Variants in DOP1B observed in about 807,000 individuals in gnomAD.
The protein encoded by DOP1B is protein DOP1B.
Under a neutral mutation model 233.5 loss-of-function variants are expected in DOP1B, and 174 were observed. The observed-to-expected ratio is 0.75, with a 90% CI of 0.66 to 0.85. The LOEUF is 0.85. DOP1B is among the 40% of genes least tolerant of loss of function. The probability of loss-of-function intolerance (pLI) is 0.00; values close to 1 mark genes in which losing one functional copy is unlikely to be tolerated. For synonymous variants in DOP1B, 1,190 were observed against 1,185.6 expected, an observed-to-expected ratio of 1.00 and a Z score of -0.08; for missense variants, 2,652 against 2,846.6, an observed-to-expected ratio of 0.93 and a Z score of 1.56.
chr21:36,283,936 C>CTTTTTTTTTTTTTTTTTTTT (rs547999186), intron 32 of DOP1B, among the ~76,000 whole-genome samples: 1 of 100,992 alleles, frequency 9.9e-6, no homozygotes, highest in Non-Finnish European at 1.9e-5. Flanking sequence ...ACACCTGTTC[C>CTTTTTTTTTTTTTTTTTTTT]TTTTTTTTTT....
chr21:36,242,869 T>G (rs1425317288), intron 18 of DOP1B, among the ~76,000 whole-genome samples: 1 of 152,226 alleles, frequency 6.6e-6, no homozygotes, highest in African/African-American at 2.4e-5. Flanking sequence ...CTTCTTCATT[T>G]CTTGATCTTG....
chr21:36,161,947 C>A (rs928499766), intron 1 of DOP1B, among the ~76,000 whole-genome samples: 3 of 152,216 alleles, frequency 2.0e-5, no homozygotes, highest in Non-Finnish European at 2.9e-5. Context: ...TGGTTCCTTT[C>A]CATTGCCTCA....
At chr21:36,161,352 T>C (rs1224350321) in intron 1 of DOP1B, among the ~76,000 whole-genome samples, 1 of 152,132 alleles carries the variant, frequency 6.6e-6, no homozygotes, top group Non-Finnish European at 1.5e-5. Context: ...TTGGCCAGGC[T>C]GGTCTCGAAC....
At chr21:36,179,174 G>C (rs2123426279) in intron 2 of DOP1B, among the ~76,000 whole-genome samples, 1 of 152,362 alleles carries the variant, frequency 6.6e-6, no homozygotes, top group East Asian at 1.9e-4. Flanking sequence ...TGCTGAGTAA[G>C]AGTCCATGGA....
At chr21:36,207,947 G>A (rs2066447405) in intron 4 of DOP1B, among the ~76,000 whole-genome samples, 1 of 152,192 alleles carries the variant, frequency 6.6e-6, no homozygotes, top group South Asian at 2.1e-4. Context: ...CCTGGCCTTG[G>A]TCAGCGTCAG....
chr21:36,233,098 T>G (rs2066787168), intron 15 of DOP1B, 23 bp downstream of exon 15: 1 of 1,610,278 alleles, frequency 6.2e-7, no homozygotes, highest in South Asian at 1.1e-5. Context: ...GGGAACACTC[T>G]TCTTATGGCC....
At chr21:36,212,531 A>T (rs368799376) in intron 7 of DOP1B, among the ~76,000 whole-genome samples, 1 of 152,176 alleles carries the variant, frequency 6.6e-6, no homozygotes, top group African/African-American at 2.4e-5. Flanking sequence ...CATTTGGATA[A>T]CTTTGGAGAT....
intron 1 of DOP1B, among the ~76,000 whole-genome samples, chr21:36,158,658 T>C (rs10470175): frequency 0.85 from 128,439 of 151,786 alleles, 54,356 homozygotes; most frequent in Non-Finnish European, 0.87. Context: ...CAAAAATTAG[T>C]TGGGCGTGGT....
intron 12 of DOP1B, 52 bp downstream of exon 12, chr21:36,225,719 C>A (rs374991617): frequency 7.6e-6 from 12 of 1,574,946 alleles, no homozygotes; most frequent in Non-Finnish European, 1.0e-5. Context: ...TACATTCTTA[C>A]TGGTGGTGAT....
At chr21:36,219,639 G>A (rs764900599) in intron 10 of DOP1B, 147 bp downstream of exon 10, 17 of 1,137,098 alleles carry the variant, frequency 1.5e-5, no homozygotes, top group Non-Finnish European at 1.6e-5. Flanking sequence ...TAATCAATGC[G>A]TTGAAGTCAG....
intron 2 of DOP1B, among the ~76,000 whole-genome samples, chr21:36,194,482 TCTC>T (rs1342518766): frequency 1.8e-5 from 2 of 110,828 alleles, no homozygotes; most frequent in Admixed American, 1.1e-4. Flanking sequence ...TTTCTCTCTC[TCTC>T]TCTTTTTTTT....
intron 1 of DOP1B, among the ~76,000 whole-genome samples, chr21:36,162,929 G>T (rs1326734484): frequency 6.6e-6 from 1 of 152,106 alleles, no homozygotes; most frequent in Non-Finnish European, 1.5e-5. Context: ...GGTGCTGGAG[G>T]GGCCAGAGGA....
At position 36,260,977 on chromosome 21, in the gene DOP1B, C is replaced by T. The variant is rs1238718839; in HGVS notation, c.5315+245C>T. On this transcript the variant is annotated intron_variant, in intron 24 of 36. Transcript: ENST00000691173. ...TATATGAGCGAAGCTTTATGTGAGGCCTGTTAAACTTTAAAAGGCTTGGAT... is the reference window on the plus strand; with the variant it reads ...TATATGAGCGAAGCTTTATGTGAGGTCTGTTAAACTTTAAAAGGCTTGGAT... 38 of 1,238,948 alleles carry T rather than the reference C, an allele frequency of 3.1e-5. No individual in the cohort carries two copies. The East Asian group carries it at 1.3e-3, about 41-fold the overall frequency. 76.7% of individuals were successfully genotyped at this position (1,238,948 alleles called of 1,614,324 possible). A position where few individuals can be genotyped will look rare whatever the true frequency, so the allele number is the denominator to read the frequency against.
intron 23 of DOP1B, among the ~76,000 whole-genome samples, chr21:36,255,530 G>A (rs1396251798): frequency 6.6e-6 from 1 of 151,180 alleles, no homozygotes; most frequent in African/African-American, 2.4e-5. Flanking sequence ...CCATAGCCTC[G>A]ACCTCCCCAG....
chr21:36,169,392 A>G, intron 2 of DOP1B: 1 of 856,820 alleles, frequency 1.2e-6, no homozygotes, highest in Non-Finnish European at 2.0e-6. Context: ...GCCATGGAGA[A>G]GGCCACATGG....
At chr21:36,228,808 TAAAATAAAATA>T (rs1415433655) in intron 13 of DOP1B, among the ~76,000 whole-genome samples, 1 of 133,064 alleles carries the variant, frequency 7.5e-6, no homozygotes, top group African/African-American at 3.3e-5. Flanking sequence ...TAAAATAAAA[TAAAATAAAATA>T]AAATAAAAAG....
chr21:36,211,904 G>T (rs2066502234), intron 6 of DOP1B, 70 bp from the exon 7 acceptor site: 2 of 1,600,872 alleles, frequency 1.2e-6, no homozygotes, highest in Non-Finnish European at 8.5e-7. Context: ...GCAAGGAAGG[G>T]CTGCGTGTCA....
At chr21:36,265,674 T>C (rs12627574) in intron 26 of DOP1B, among the ~76,000 whole-genome samples, 9,042 of 152,216 alleles carry the variant, frequency 0.059, 586 homozygotes, top group East Asian at 0.33. Flanking sequence ...CTGCTCCTTT[T>C]GGTTGCGGGG....
chr21:36,267,017 C>G (rs146526954), intron 26 of DOP1B, among the ~76,000 whole-genome samples: 2,019 of 152,314 alleles, frequency 0.013, 38 homozygotes, highest in African/African-American at 0.046. Context: ...TCTCACCCAG[C>G]AGGCAGGTGT....
Sources: gnomAD v4.1 joint callset for allele counts (sites outside exome capture counted in the v4.1 genomes callset) on GRCh38, gnomAD v4.1.1 for gene constraint, MANE v1.5 for transcripts, NCBI Gene and HGNC (gene_info 2026-07-23, HGNC 2026-07-21) for gene names.